The following CTNNBL1 variants were observed in gnomAD, a reference collection of about 807,000 sequenced individuals.
CTNNBL1 encodes the protein beta-catenin-like protein 1.
Under a neutral mutation model 72.7 loss-of-function variants are expected in CTNNBL1, and 31 were observed. The ratio of observed to expected loss-of-function variants is 0.43; its 90% CI spans 0.32 to 0.58. CTNNBL1 has a LOEUF of 0.58. Ranked by LOEUF, CTNNBL1 falls within the 20% of genes least tolerant of loss-of-function variation. The pLI is 0.08. For missense variants in CTNNBL1, 534 were observed against 725.1 expected (o/e 0.74, Z 3.03); for synonymous variants, 240 against 267.3 (o/e 0.90, Z 1.00).
intron 1 of CTNNBL1, among the ~76,000 whole-genome samples, chr20:37,731,324 C>T (rs193059350): frequency 5.0e-4 from 76 of 152,184 alleles, no homozygotes; most frequent in African/African-American, 1.6e-3. Flanking sequence ...CAACCTCTGC[C>T]TCCCGGGTTC....
In CTNNBL1 at chr20:37,703,503, T is replaced by C. The variant is rs6020337; in HGVS notation, c.30+9351T>C. 4.5e-3 allele frequency among the ~76,000 whole-genome samples: 691 copies of C among 152,360 alleles called. 8 individuals are homozygous for C. Among genetic ancestry groups the C allele is most frequent in the East Asian group, 0.017 (89 of 5,190 alleles). ...CTTCACTAGAATTTGACTCTGTAAC[T>C]CTCTTCTTCATCATTTTAGAAGAAC... On this transcript the variant is annotated intron_variant, in intron 1 of 15. Coordinates refer to ENST00000361383, the MANE Select transcript of CTNNBL1 (RefSeq NM_030877.5).
At chr20:37,714,123 G>C (rs772128666) in intron 1 of CTNNBL1, among the ~76,000 whole-genome samples, 10 of 151,792 alleles carry the variant, frequency 6.6e-5, no homozygotes, top group Non-Finnish European at 1.3e-4. Context: ...GCAGAATCCT[G>C]CCATTCCTCT....
intron 11 of CTNNBL1, among the ~76,000 whole-genome samples, chr20:37,812,305 A>G (rs535894436): frequency 6.6e-6 from 1 of 152,134 alleles, no homozygotes; most frequent in Admixed American, 6.5e-5. Context: ...ATGGGTCCCT[A>G]CCTCTTCCAG....
At chr20:37,694,775 TC>T (rs375996619) in intron 1 of CTNNBL1, among the ~76,000 whole-genome samples, 36 of 152,262 alleles carry the variant, frequency 2.4e-4, no homozygotes, top group African/African-American at 8.4e-4. Context: ...TTGCTCAGGG[TC>T]CCCCTTGCCT....
chr20:37,720,953 G>A (rs1568750805), intron 1 of CTNNBL1, among the ~76,000 whole-genome samples: 1 of 152,194 alleles, frequency 6.6e-6, no homozygotes, highest in Non-Finnish European at 1.5e-5. Flanking sequence ...AAGCTCACAA[G>A]TTTTACTGGA....
chr20:37,705,669 G>T (rs181200033), intron 1 of CTNNBL1, among the ~76,000 whole-genome samples: 2 of 152,230 alleles, frequency 1.3e-5, no homozygotes, highest in Non-Finnish European at 1.5e-5. Context: ...TTATTTTCCC[G>T]TGGTCTCTTT....
chr20:37,747,675 C>T (rs1327234641), intron 4 of CTNNBL1, among the ~76,000 whole-genome samples: 1 of 152,130 alleles, frequency 6.6e-6, no homozygotes, highest in Non-Finnish European at 1.5e-5. Flanking sequence ...AACTCCTAGG[C>T]CTAAGTGATC....
chr20:37,772,559 A>G (rs546844322), intron 7 of CTNNBL1, among the ~76,000 whole-genome samples: 51 of 152,300 alleles, frequency 3.3e-4, no homozygotes, highest in Non-Finnish European at 6.2e-4. Context: ...CGTATTAGCC[A>G]GGATGGTATC....
intron 5 of CTNNBL1, among the ~76,000 whole-genome samples, chr20:37,763,482 T>C (rs1254462296): frequency 6.6e-6 from 1 of 152,208 alleles, no homozygotes; most frequent in African/African-American, 2.4e-5. Context: ...CATTTGTGAT[T>C]CAGGTATCAC....
intron 11 of CTNNBL1, among the ~76,000 whole-genome samples, chr20:37,839,841 G>T (rs892502042): frequency 6.6e-6 from 1 of 152,198 alleles, no homozygotes; most frequent in Non-Finnish European, 1.5e-5. Flanking sequence ...ATTCCAGACA[G>T]AAAAGGAATT....
chr20:37,704,019 C>T (rs1047934056), intron 1 of CTNNBL1, among the ~76,000 whole-genome samples: 7 of 152,072 alleles, frequency 4.6e-5, no homozygotes, highest in Non-Finnish European at 7.4e-5. Context: ...TCAGGTGATC[C>T]ACCTGTCTCG....
intron 10 of CTNNBL1, among the ~76,000 whole-genome samples, chr20:37,788,806 C>T (rs1373679310): frequency 2.0e-5 from 3 of 152,212 alleles, no homozygotes; most frequent in Non-Finnish European, 4.4e-5. Flanking sequence ...AGTCTCTGAG[C>T]TTTCATTTCC....
intron 11 of CTNNBL1, among the ~76,000 whole-genome samples, chr20:37,805,874 G>T (rs1177995313): frequency 1.3e-5 from 2 of 152,172 alleles, no homozygotes; most frequent in East Asian, 3.8e-4. Context: ...GTGGTGCTTG[G>T]CATGTGATAG....
chr20:37,799,567 C>A (rs1306337418), intron 10 of CTNNBL1, among the ~76,000 whole-genome samples: 1 of 152,186 alleles, frequency 6.6e-6, no homozygotes, highest in East Asian at 1.9e-4. Flanking sequence ...ACTGACTTCT[C>A]CCAAGGCAAA....
At chr20:37,746,428 T>G in intron 3 of CTNNBL1, 40 bp from the exon 4 acceptor site, 15 of 1,598,666 alleles carry the variant, frequency 9.4e-6, no homozygotes, top group Non-Finnish European at 1.3e-5. Flanking sequence ...TTGCTGATAG[T>G]GCCCCTTTCC....
intron 13 of CTNNBL1, among the ~76,000 whole-genome samples, chr20:37,851,382 G>A (rs190643361): frequency 1.6e-4 from 24 of 147,890 alleles, no homozygotes; most frequent in Non-Finnish European, 3.3e-4. Flanking sequence ...ATAGATTTTT[G>A]TTTCCCTTTT....
chr20:37,779,289 C>G lies in CTNNBL1; in HGVS notation c.985C>G (p.Arg329Gly). 6.2e-7 allele frequency: 1 copy of G among 1,613,722 alleles called. No homozygotes were observed. The highest frequency in any genetic ancestry group is 8.5e-7 in the Non-Finnish European group (1 of 1,179,720). ...SCLMLSSNRE[R>G]FLKGEGLQLM... ...TCTAATGCTTAGTTCCAATCGTGAG[C>G]GCTTCCTGAAGGGCGAGGGTCTTCA... Residue 329 changes from arginine to glycine, a missense_variant, in exon 10 of 16, where the codon CGC becomes GGC. Physicochemically the swap from Arg to Gly is moderately radical, Grantham distance 125 (BLOSUM62 -2). Coordinates refer to ENST00000361383, the MANE Select transcript of CTNNBL1 (RefSeq NM_030877.5).
intron 5 of CTNNBL1, among the ~76,000 whole-genome samples, chr20:37,764,828 A>AT (rs900326279): frequency 3.9e-5 from 6 of 152,226 alleles, no homozygotes; most frequent in Admixed American, 6.5e-5. Flanking sequence ...ACCTGACTTA[A>AT]GATGGCATTC....
At chr20:37,818,572 G>A (rs1440564715) in intron 11 of CTNNBL1, among the ~76,000 whole-genome samples, 2 of 152,218 alleles carry the variant, frequency 1.3e-5, no homozygotes, top group African/African-American at 4.8e-5. Context: ...CTTAATAGAT[G>A]TAAACAGGCA....
Sources: allele counts gnomAD v4.1 joint callset (sites outside exome capture counted in the v4.1 genomes callset), GRCh38; gene constraint gnomAD v4.1.1; transcripts MANE v1.5; gene names NCBI Gene and HGNC (gene_info 2026-07-23, HGNC 2026-07-21).